Variants in DOCK10 observed in about 807,000 individuals in gnomAD.
DOCK10 encodes the protein dedicator of cytokinesis 10.
DOCK10 carries 145 observed loss-of-function variants against 280.1 expected under a neutral mutation model. The observed-to-expected ratio is 0.52, with a 90% CI of 0.45 to 0.59. The LOEUF (loss-of-function observed/expected upper bound fraction) is 0.59, where lower values mean the gene tolerates loss of function less well. DOCK10 is among the 20% of genes least tolerant of loss of function. The pLI, the probability that DOCK10 is intolerant of heterozygous loss-of-function variation, is 0.00. For missense variants in DOCK10, 2,368 were observed against 2,651.7 expected, an observed-to-expected ratio of 0.89 and a Z score of 2.35; for synonymous variants, 915 against 942.2, an observed-to-expected ratio of 0.97 and a Z score of 0.53.
chr2:224,905,618 T>A (rs773367451), intron 3 of DOCK10, among the ~76,000 whole-genome samples: 2 of 152,194 alleles, frequency 1.3e-5, no homozygotes, highest in Admixed American at 6.5e-5. Context: ...TTTTATTGGG[T>A]TTATTCCTGA....
intron 25 of DOCK10, among the ~76,000 whole-genome samples, chr2:224,835,596 C>T (rs539636109): frequency 6.6e-6 from 1 of 152,280 alleles, no homozygotes; most frequent in South Asian, 2.1e-4. Flanking sequence ...AGTCCAATCA[C>T]AGGATGATAG....
intron 1 of DOCK10, among the ~76,000 whole-genome samples, chr2:225,014,196 C>T (rs771248198): frequency 6.7e-6 from 1 of 149,388 alleles, no homozygotes; most frequent in Non-Finnish European, 1.5e-5. Context: ...TTTAAAGCCA[C>T]ATTTTGCCTC....
At chr2:224,778,378 GT>G in intron 50 of DOCK10, 94 bp from the exon 51 acceptor site, 3 of 1,281,044 alleles carry the variant, frequency 2.3e-6, no homozygotes, top group Non-Finnish European at 1.1e-6. Context: ...AACATATACA[GT>G]TTTTGGTTGT....
intron 1 of DOCK10, among the ~76,000 whole-genome samples, chr2:225,001,839 A>C (rs1706438942): frequency 6.6e-6 from 1 of 152,084 alleles, no homozygotes; most frequent in Non-Finnish European, 1.5e-5. Context: ...AGGAGGAGCA[A>C]ATGAGCTCCC....
intron 3 of DOCK10, among the ~76,000 whole-genome samples, chr2:224,899,816 T>C (rs1700190274): frequency 6.6e-6 from 1 of 152,192 alleles, no homozygotes; most frequent in African/African-American, 2.4e-5. Flanking sequence ...GATTCTTTGA[T>C]AAAAATAGAA....
chr2:224,850,218 T>G (rs753345169), intron 18 of DOCK10, among the ~76,000 whole-genome samples: 3 of 152,226 alleles, frequency 2.0e-5, no homozygotes, highest in Non-Finnish European at 2.9e-5. Flanking sequence ...ACCCACACTC[T>G]TCTTTCCTGA....
rs114243929 is a variant in DOCK10 at position 224,912,748 on chromosome 2, G to T, written c.333+3947C>A. ...AACAATATATTATGGGCATCAGGCC[G>T]GGCATGGTGGCTCACGCCTGTAATC... On this transcript the variant is annotated intron_variant, in intron 3 of 55. Coordinates refer to ENST00000258390, the MANE Select transcript of DOCK10 (RefSeq NM_014689.3). Among the ~76,000 whole-genome samples the T allele has an allele frequency of 3.3e-3, 503 of 152,124 alleles. 9 individuals carry two copies. Among genetic ancestry groups the T allele is most frequent in the African/African-American group, 0.012 (480 of 41,512 alleles).
intron 1 of DOCK10, among the ~76,000 whole-genome samples, chr2:224,985,008 A>G (rs1017326657): frequency 2.0e-5 from 3 of 152,088 alleles, no homozygotes; most frequent in Non-Finnish European, 4.4e-5. Context: ...CACCTGGCTA[A>G]TTTTTGATAA....
At chr2:224,914,349 G>A (rs922402111) in intron 3 of DOCK10, among the ~76,000 whole-genome samples, 3 of 152,044 alleles carry the variant, frequency 2.0e-5, no homozygotes, top group Admixed American at 6.5e-5. Flanking sequence ...AAGGAAAAAA[G>A]AAAACAAGAG....
At chr2:224,961,412 C>CTTTCTCTT (rs57668925) in intron 1 of DOCK10, among the ~76,000 whole-genome samples, 1 of 119,382 alleles carries the variant, frequency 8.4e-6, no homozygotes, top group Non-Finnish European at 1.7e-5. Flanking sequence ...TTCTTTCTTT[C>CTTTCTCTT]TCTTTCTTTC....
chr2:224,810,007 AAG>A (rs1491072749), intron 31 of DOCK10, among the ~76,000 whole-genome samples: 1 of 151,282 alleles, frequency 6.6e-6, no homozygotes, highest in Non-Finnish European at 1.5e-5. Context: ...AAAAAAAAAA[AAG>A]AAATCCTACC....
intron 1 of DOCK10, among the ~76,000 whole-genome samples, chr2:224,958,964 T>G (rs1704208571): frequency 1.3e-5 from 2 of 152,366 alleles, no homozygotes; most frequent in South Asian, 4.1e-4. Flanking sequence ...CTTTGTTCTC[T>G]TTTGCAAGGG....
intron 11 of DOCK10, among the ~76,000 whole-genome samples, chr2:224,870,202 G>T (rs1048571766): frequency 6.6e-6 from 1 of 152,040 alleles, no homozygotes; most frequent in Non-Finnish European, 1.5e-5. Flanking sequence ...CTTTGCTGCC[G>T]CCATGTGAAG....
Position 224,862,319 on chromosome 2 carries a change from C to T in DOCK10, c.1685+345G>A, listed in dbSNP as rs1697560389. ...AGTGCATCTATCTGAATTTTAGGCA[C>T]ACCAGACTCTCAGGACTGACATAAT... is the stretch of plus-strand genomic sequence containing the variant. On this transcript the variant is annotated intron_variant, in intron 14 of 55. Coordinates refer to ENST00000258390, the MANE Select transcript of DOCK10 (RefSeq NM_014689.3). 4 of 174,156 alleles carry T rather than the reference C, an allele frequency of 2.3e-5. No homozygotes were observed. The South Asian group carries it at 6.5e-4, about 28-fold the overall frequency. The allele number at this position is 174,156 out of a possible 1,614,324, so 10.8% of individuals were successfully genotyped here.
At chr2:224,971,549 G>T (rs1042497253) in intron 1 of DOCK10, among the ~76,000 whole-genome samples, 1 of 152,156 alleles carries the variant, frequency 6.6e-6, no homozygotes, top group Admixed American at 6.5e-5. Flanking sequence ...ACACCTCATA[G>T]TTCAATGCAG....
intron 11 of DOCK10, among the ~76,000 whole-genome samples, chr2:224,869,961 G>A (rs1698164779): frequency 6.6e-6 from 1 of 152,152 alleles, no homozygotes; most frequent in Admixed American, 6.5e-5. Context: ...TTAACAAGGT[G>A]ACTAAGTGAC....
intron 1 of DOCK10, among the ~76,000 whole-genome samples, chr2:224,999,484 T>A (rs1260180177): frequency 1.4e-5 from 2 of 144,862 alleles, no homozygotes; most frequent in African/African-American, 5.0e-5. Flanking sequence ...CCTTCCTGCC[T>A]CCCTCCCTTC....
chr2:225,006,766 G>A (rs183539678), intron 1 of DOCK10, among the ~76,000 whole-genome samples: 39 of 152,236 alleles, frequency 2.6e-4, no homozygotes, highest in Non-Finnish European at 4.4e-4. Flanking sequence ...GGATATCAGA[G>A]TTAATCTCTC....
intron 7 of DOCK10, among the ~76,000 whole-genome samples, chr2:224,880,046 C>T (rs1026709770): frequency 6.6e-6 from 1 of 151,858 alleles, no homozygotes; most frequent in African/African-American, 2.4e-5. Flanking sequence ...ATGAAGATGC[C>T]GAACACTAAC....
Sources: gnomAD v4.1 joint callset for allele counts (sites outside exome capture counted in the v4.1 genomes callset) on GRCh38, gnomAD v4.1.1 for gene constraint, MANE v1.5 for transcripts, NCBI Gene and HGNC (gene_info 2026-07-23, HGNC 2026-07-21) for gene names.